The following ASIC2 variants were observed in gnomAD, a reference collection of about 807,000 sequenced individuals.
The protein encoded by ASIC2 is acid-sensing ion channel 2.
Under a neutral mutation model 57.3 loss-of-function variants are expected in ASIC2, and 25 were observed. The ratio of observed to expected loss-of-function variants is 0.44; its 90% CI spans 0.32 to 0.61. ASIC2 has a LOEUF of 0.61. Among genes scored for constraint, ASIC2 ranks in the 20% least tolerant of loss-of-function variants. The probability of loss-of-function intolerance (pLI) is 0.06; values close to 1 mark genes in which losing one functional copy is unlikely to be tolerated. For synonymous variants in ASIC2, 319 were observed against 307.5 expected (o/e 1.04, Z -0.39); for missense variants, 641 against 738.1 (o/e 0.87, Z 1.52).
chr17:33,591,082 A>G (rs113971291), intron 1 of ASIC2, among the ~76,000 whole-genome samples: 2 of 152,118 alleles, frequency 1.3e-5, no homozygotes, highest in African/African-American at 4.8e-5. Context: ...TTTCTGTTAT[A>G]TTCTGCTGTT....
intron 1 of ASIC2, among the ~76,000 whole-genome samples, chr17:33,394,740 C>G (rs948556971): frequency 2.0e-5 from 3 of 152,118 alleles, no homozygotes; most frequent in Non-Finnish European, 4.4e-5. Flanking sequence ...AACATTCCTG[C>G]CTAGAAACAT....
chr17:33,678,567 G>C (rs973971396), intron 1 of ASIC2, among the ~76,000 whole-genome samples: 1 of 151,814 alleles, frequency 6.6e-6, no homozygotes, highest in Non-Finnish European at 1.5e-5. Context: ...TGCAGCTCCT[G>C]ACACCCAGTC....
chr17:33,131,544 C>T (rs1349098185), intron 1 of ASIC2: 1 of 152,342 alleles, frequency 6.6e-6, no homozygotes, highest in Non-Finnish European at 1.5e-5. Flanking sequence ...CAAGGACAGG[C>T]AAGGCATCTT....
chr17:33,471,582 CA>C (rs1231211378), intron 1 of ASIC2, among the ~76,000 whole-genome samples: 1 of 152,016 alleles, frequency 6.6e-6, no homozygotes, highest in Non-Finnish European at 1.5e-5. Flanking sequence ...TAGTATTGTA[CA>C]ATGACAGTGC....
intron 1 of ASIC2, among the ~76,000 whole-genome samples, chr17:33,446,710 C>T (rs1034020750): frequency 7.9e-5 from 12 of 152,142 alleles, no homozygotes; most frequent in African/African-American, 2.9e-4. Context: ...CTTTTCATCC[C>T]AGTACCTTGC....
At position 33,715,830 on chromosome 17, in the gene ASIC2, A is replaced by C. The variant is rs149634239; in HGVS notation, c.555+440148T>G. Among the ~76,000 whole-genome samples, 6 of 152,258 alleles carry C rather than the reference A, an allele frequency of 3.9e-5. No individual in the cohort carries two copies. The East Asian group carries it at 1.2e-3, about 29-fold the overall frequency. ...TGTCCCTAGAGGTCAGTGTCAGGAG[A>C]AGAGCCAAACCACATTGATAAAATT... On this transcript the variant is annotated intron_variant, in intron 1 of 9. Transcript: ENST00000359872.
chr17:33,393,738 C>G (rs567346723), intron 1 of ASIC2, among the ~76,000 whole-genome samples: 2 of 152,116 alleles, frequency 1.3e-5, no homozygotes, highest in East Asian at 1.9e-4. Flanking sequence ...ACCAGGCACA[C>G]CTGGGGGTTC....
At chr17:33,779,009 C>T (rs778700337) in intron 1 of ASIC2, among the ~76,000 whole-genome samples, 1 of 152,146 alleles carries the variant, frequency 6.6e-6, no homozygotes, top group African/African-American at 2.4e-5. Flanking sequence ...CCTTACAGTG[C>T]TAGTGTGGTG....
intron 1 of ASIC2, among the ~76,000 whole-genome samples, chr17:33,131,981 C>A (rs566108148): frequency 6.6e-6 from 1 of 152,052 alleles, no homozygotes; most frequent in Non-Finnish European, 1.5e-5. Context: ...AGGAGAAAAC[C>A]ATCTCCCAAG....
chr17:33,681,961 C>G (rs1303453997), intron 1 of ASIC2, among the ~76,000 whole-genome samples: 1 of 151,640 alleles, frequency 6.6e-6, no homozygotes, highest in Non-Finnish European at 1.5e-5. Context: ...CCCTCACTTT[C>G]TCATTTATAA....
intron 1 of ASIC2, among the ~76,000 whole-genome samples, chr17:33,668,751 G>T (rs887592712): frequency 6.6e-6 from 1 of 152,198 alleles, no homozygotes; most frequent in Non-Finnish European, 1.5e-5. Context: ...AGAGATGGTT[G>T]TGAGGGCAGA....
At chr17:33,720,231 T>C (rs1487702143) in intron 1 of ASIC2, among the ~76,000 whole-genome samples, 4 of 152,206 alleles carry the variant, frequency 2.6e-5, no homozygotes, top group African/African-American at 9.7e-5. Flanking sequence ...GTATTGTTAA[T>C]GTTATTTAAA....
At position 34,039,769 on chromosome 17, in the gene ASIC2, G is replaced by T. The variant is rs1473272225; in HGVS notation, c.555+116209C>A. On this transcript the variant is annotated intron_variant, in intron 1 of 9. Coordinates refer to the ASIC2 transcript ENST00000359872. ...TCCGACGCTGCACAAGCTCTGGTTG[G>T]AAGACTCACTATTAAGTGGTCCCTT... 5.6e-6 allele frequency: 9 copies of T among 1,611,690 alleles called. No homozygotes were observed. In the Admixed American group the frequency reaches 1.3e-4, roughly 24 times the overall value.
intron 1 of ASIC2, among the ~76,000 whole-genome samples, chr17:33,988,110 G>C (rs1309903417): frequency 6.6e-6 from 1 of 152,126 alleles, no homozygotes; most frequent in African/African-American, 2.4e-5. Flanking sequence ...GCATACATAA[G>C]AGACCTGAGA....
Position 33,950,384 on chromosome 17 carries a change from C to T in ASIC2, c.555+205594G>A, listed in dbSNP as rs543739132. 9.8e-5 allele frequency among the ~76,000 whole-genome samples: 15 copies of T among 152,322 alleles called. No individual in the cohort carries two copies. In the East Asian group the frequency reaches 1.7e-3, roughly 18 times the overall value. ...GTAAAACCAAAATGAAATCAGATTCCGTAATAAATGCAGACCACGTTCCCT... is the reference window on the plus strand; with the variant it reads ...GTAAAACCAAAATGAAATCAGATTCTGTAATAAATGCAGACCACGTTCCCT... On this transcript the variant is annotated intron_variant, in intron 1 of 9. Transcript: ENST00000359872.
chr17:33,302,636 C>A lies in ASIC2; in HGVS notation c.556-190569G>T, dbSNP rs554382183. On this transcript the variant is annotated intron_variant, in intron 1 of 9. Coordinates refer to the ASIC2 transcript ENST00000359872. ...TTACTCTCTTTCCCTTGTAAAAGAC[C>A]TGGCCAAACCACTTCCTCTGGTTTC... Among the ~76,000 whole-genome samples the A allele has an allele frequency of 3.9e-5, 6 of 152,322 alleles. No individual in the cohort carries two copies. In the East Asian group the frequency reaches 1.2e-3, roughly 29 times the overall value.
chr17:33,643,147 T>G (rs376973311), intron 1 of ASIC2, among the ~76,000 whole-genome samples: 1 of 149,824 alleles, frequency 6.7e-6, no homozygotes, highest in South Asian at 2.2e-4. Flanking sequence ...CATGCTCATT[T>G]CCCCCCCCCC....
intron 1 of ASIC2, among the ~76,000 whole-genome samples, chr17:33,303,524 G>A (rs1317036364): frequency 1.3e-5 from 2 of 152,182 alleles, no homozygotes; most frequent in Admixed American, 1.3e-4. Flanking sequence ...CACACCGACA[G>A]CAACTACATG....
chr17:33,621,528 C>T (rs1030865207), intron 1 of ASIC2, among the ~76,000 whole-genome samples: 11 of 152,176 alleles, frequency 7.2e-5, no homozygotes, highest in African/African-American at 2.7e-4. Context: ...TCATCCTCCC[C>T]ACAACCCATC....
Sources: allele counts gnomAD v4.1 joint callset (sites outside exome capture counted in the v4.1 genomes callset), GRCh38; gene constraint gnomAD v4.1.1; transcripts MANE v1.5; gene names NCBI Gene and HGNC (gene_info 2026-07-23, HGNC 2026-07-21).